ARHGEF11: variants seen among roughly 807,000 people sequenced by gnomAD.
ARHGEF11 encodes the protein Rho guanine exchange factor (GEF) 11.
A neutral mutation model predicts 193.7 loss-of-function variants in ARHGEF11; 55 were observed. That is an observed-to-expected ratio of 0.28 (90% confidence interval 0.23 to 0.36). ARHGEF11 has a LOEUF of 0.36. Ranked by LOEUF, ARHGEF11 falls within the 10% of genes least tolerant of loss-of-function variation. The probability of loss-of-function intolerance (pLI) is 1.00; values close to 1 mark genes in which losing one functional copy is unlikely to be tolerated. For synonymous variants in ARHGEF11, 693 were observed against 768.0 expected (o/e 0.90, Z 1.62); for missense variants, 1,723 against 2,005.6 (o/e 0.86, Z 2.69).
Position 156,951,626 on chromosome 1 carries a change from C to T in ARHGEF11, c.1872G>A (p.Gly624=). 6.2e-7 allele frequency: 1 copy of T among 1,614,194 alleles called. No individual in the cohort carries two copies. The highest frequency in any genetic ancestry group is 8.5e-7 in the Non-Finnish European group (1 of 1,180,040). Residue 624 remains glycine (G), a synonymous_variant, in exon 22 of 41, where the codon GGG becomes GGA. Transcript: ENST00000368194. ...NNQQYDAPEP[G]TQRLSTGSFP... is the part of the protein sequence containing the mutation. ...AGCTTCCGGTCGAGAGTCGTTGTGT[C>T]CCAGGTTCTGGGGCATCATACTGCT...
intron 2 of ARHGEF11, 46 bp downstream of exon 2, chr1:156,986,036 C>T (rs1664870476): frequency 3.4e-6 from 5 of 1,486,372 alleles, no homozygotes; most frequent in Non-Finnish European, 4.7e-6. Flanking sequence ...CAGGCATGTG[C>T]CACCATGCCT....
chr1:156,997,327 A>T (rs575132661), intron 1 of ARHGEF11, among the ~76,000 whole-genome samples: 5 of 152,350 alleles, frequency 3.3e-5, no homozygotes, highest in Non-Finnish European at 7.4e-5. Flanking sequence ...GGAGGGAAAA[A>T]GACAGGTTAT....
chr1:156,974,476 T>C (rs1662978643), intron 7 of ARHGEF11, among the ~76,000 whole-genome samples: 1 of 152,224 alleles, frequency 6.6e-6, no homozygotes, highest in South Asian at 2.1e-4. Context: ...TTTTGGACTT[T>C]AAGAGCATTA....
At position 156,984,413 on chromosome 1, in the gene ARHGEF11, A is replaced by G; in HGVS notation, c.149T>C (p.Ile50Thr). The G allele has an allele frequency of 6.3e-7, 1 of 1,596,418 alleles. No individual in the cohort carries two copies. Among genetic ancestry groups the G allele is most frequent in the Non-Finnish European group, 8.5e-7 (1 of 1,171,162 alleles). Residue 50 changes from isoleucine to threonine, a missense_variant, in exon 3 of 41, where the codon ATC becomes ACC. This residue lies in a region of ARHGEF11 where 646 missense variants were observed against 710.7 expected (regional missense o/e 0.91). Transcript: ENST00000368194. ...TTGLVQRCVI[I>T]QKDQHGFGFT... ...GCCGAAGCCATGCTGGTCCTTTTGG[A>G]TAATGACACAGCGTTGAACGAGACC...
At chr1:156,943,339 G>C (rs950496323) in intron 32 of ARHGEF11, among the ~76,000 whole-genome samples, 4 of 152,188 alleles carry the variant, frequency 2.6e-5, no homozygotes, top group Admixed American at 2.0e-4. Context: ...GGGATTACAG[G>C]CATGAGCCAC....
rs371119437 is a variant in ARHGEF11 at position 156,975,649 on chromosome 1, C to T, written c.582+1334G>A. Among the ~76,000 whole-genome samples, 4 of 152,170 alleles carry T rather than the reference C, an allele frequency of 2.6e-5. No homozygotes were observed. In the South Asian group the frequency reaches 8.3e-4, roughly 32 times the overall value. On this transcript the variant is annotated intron_variant, in intron 7 of 40. Coordinates refer to ENST00000368194, the MANE Select transcript of ARHGEF11 (RefSeq NM_198236.3). ...AATCCAAGGTCATGAAGATTTACTC[C>T]CACCTAAAATTTTTTCTAGGAGTTT...
intron 20 of ARHGEF11, 111 bp downstream of exon 20, chr1:156,955,592 G>T: frequency 2.4e-6 from 2 of 831,602 alleles, no homozygotes; most frequent in Admixed American, 3.7e-5. Flanking sequence ...CTGAGTTTGG[G>T]CCTGTGGCTC....
In ARHGEF11 at chr1:156,947,000, G is replaced by C. The variant is rs764614471; in HGVS notation, c.2504C>G (p.Ala835Gly). ...LIEIHNSWCE[A>G]MKKLREEGPI... ...GCCTTCCTCCCGGAGCTTCTTCATGGCTTCACACCAGGAATCTGGGGCAGG... is the reference window on the plus strand; with the variant it reads ...GCCTTCCTCCCGGAGCTTCTTCATGCCTTCACACCAGGAATCTGGGGCAGG... Residue 835 changes from alanine (A) to glycine (G), a missense_variant, in exon 27 of 41, where the codon GCC becomes GGC. Ala to Gly is a moderately conservative substitution (Grantham distance 60). Around this residue, in one of 5 missense-constraint regions of ARHGEF11, gnomAD observed 491 missense variants for 654.5 expected, o/e 0.75. Coordinates refer to ENST00000368194, the MANE Select transcript of ARHGEF11 (RefSeq NM_198236.3). The C allele has an allele frequency of 6.8e-6, 11 of 1,614,016 alleles. No homozygotes were observed. The highest frequency in any genetic ancestry group is 8.5e-6 in the Non-Finnish European group (10 of 1,180,018).
intron 13 of ARHGEF11, among the ~76,000 whole-genome samples, chr1:156,962,949 G>C (rs1571266908): frequency 6.9e-6 from 1 of 145,850 alleles, no homozygotes; most frequent in East Asian, 2.1e-4. Context: ...TTCCTGAACT[G>C]ATCAAGAATG....
At position 156,967,998 on chromosome 1, in the gene ARHGEF11, T is replaced by C. The variant is rs952248920; in HGVS notation, c.952A>G (p.Thr318Ala). Residue 318 changes from threonine (T) to alanine (A), a missense_variant, in exon 11 of 41, where the codon ACC becomes GCC. Thr to Ala is a moderately conservative substitution (Grantham distance 58). Transcript: ENST00000368194. The stretch of plus-strand genomic sequence containing the variant: ...TCCAGATCACTCACCTGGTCACCGG[T>C]TGAGGGGACTGCTGCATCCGAGCCC... Reference protein sequence around the residue: ...RQGSDAAVPSTGDQGVDQSPK... With the variant: ...RQGSDAAVPSAGDQGVDQSPK... 3 of 1,614,112 alleles carry C rather than the reference T, an allele frequency of 1.9e-6. No homozygotes were observed. Among genetic ancestry groups the C allele is most frequent in the South Asian group, 1.1e-5 (1 of 91,068 alleles).
chr1:156,953,834 G>A (rs1659483948), intron 21 of ARHGEF11, among the ~76,000 whole-genome samples: 2 of 152,244 alleles, frequency 1.3e-5, no homozygotes, highest in South Asian at 4.1e-4. Flanking sequence ...TCACATTAAT[G>A]TTTTAAATAC....
At position 156,946,026 on chromosome 1, in the gene ARHGEF11, G is replaced by T. The variant is rs779202542; in HGVS notation, c.2812+19C>A. ...ACGAGGCCCACTGCCTGTGATGCCAGCCCCTCCCCAGGTGCTACCCTCTGT... is the reference window on the plus strand; with the variant it reads ...ACGAGGCCCACTGCCTGTGATGCCATCCCCTCCCCAGGTGCTACCCTCTGT... On this transcript the variant is annotated intron_variant, in intron 29 of 40. Coordinates refer to ENST00000368194, the MANE Select transcript of ARHGEF11 (RefSeq NM_198236.3). 2 of 1,597,438 alleles carry T rather than the reference G, an allele frequency of 1.3e-6. No homozygotes were observed. The highest frequency in any genetic ancestry group is 8.6e-7 in the Non-Finnish European group (1 of 1,166,642).
Position 156,948,157 on chromosome 1 carries a change from G to A in ARHGEF11, c.2153+24C>T. 2.6e-6 allele frequency: 4 copies of A among 1,546,574 alleles called. No individual in the cohort carries two copies. On this transcript the variant is annotated intron_variant, in intron 24 of 40. Coordinates refer to ENST00000368194, the MANE Select transcript of ARHGEF11 (RefSeq NM_198236.3). The surrounding 1 kb of genome is among the most constrained non-coding windows in gnomAD (Gnocchi z 4.2). Reference sequence around the variant, plus strand: ...ATGGGACACAGAGACACCAAACAGAGGCACCACCGTGCCCATCACTTACCT... The same window carrying A: ...ATGGGACACAGAGACACCAAACAGAAGCACCACCGTGCCCATCACTTACCT...
chr1:157,015,939 C>T (rs1372960309), intron 1 of ARHGEF11, among the ~76,000 whole-genome samples: 1 of 152,180 alleles, frequency 6.6e-6, no homozygotes, highest in East Asian at 1.9e-4. Flanking sequence ...GGAGAGATAC[C>T]TTTTCACAAT....
intron 1 of ARHGEF11, among the ~76,000 whole-genome samples, chr1:157,016,362 G>C (rs1265195051): frequency 7.1e-6 from 1 of 141,506 alleles, no homozygotes; most frequent in Non-Finnish European, 1.5e-5. Context: ...TGGGATTATA[G>C]ACACCTGCCA....
chr1:156,993,477 T>A lies in ARHGEF11; in HGVS notation c.33-7304A>T, dbSNP rs376355332. 1.3e-4 allele frequency among the ~76,000 whole-genome samples: 20 copies of A among 152,298 alleles called. No homozygotes were observed. In the East Asian group the frequency reaches 3.3e-3, roughly 25 times the overall value. On this transcript the variant is annotated intron_variant, in intron 1 of 40. Transcript: ENST00000368194. ...AGAGAAAGATAAAAAAAGCACACTA[T>A]ACACAGGCTGAGCTAGGTTTTCCTG...
chr1:156,950,130 A>C (rs775297169), intron 22 of ARHGEF11, among the ~76,000 whole-genome samples: 4 of 152,240 alleles, frequency 2.6e-5, no homozygotes, highest in Non-Finnish European at 5.9e-5. Context: ...CACAGGAATC[A>C]CATAATTTGC....
intron 3 of ARHGEF11, among the ~76,000 whole-genome samples, chr1:156,980,790 C>T (rs975440910): frequency 3.4e-5 from 4 of 119,152 alleles, no homozygotes; most frequent in Admixed American, 1.3e-4. Flanking sequence ...GTGCTTCATT[C>T]GAGTGTATCT....
chr1:156,972,019 C>T (rs999282347), intron 7 of ARHGEF11, among the ~76,000 whole-genome samples: 4 of 152,192 alleles, frequency 2.6e-5, no homozygotes, highest in African/African-American at 9.7e-5. Context: ...AAAAAGAACA[C>T]AGGAGACAAC....
Sources: allele counts gnomAD v4.1 joint callset (sites outside exome capture counted in the v4.1 genomes callset), GRCh38; gene constraint gnomAD v4.1.1; regional missense constraint gnomAD v4.1.1; non-coding constraint Gnocchi (gnomAD v3.1); transcripts MANE v1.5; gene names NCBI Gene and HGNC (gene_info 2026-07-23, HGNC 2026-07-21).